The following PRORP variants were observed in gnomAD, a reference collection of about 807,000 sequenced individuals.
PRORP encodes mitochondrial ribonuclease P catalytic subunit.
PRORP carries 51 observed loss-of-function variants against 59.4 expected under a neutral mutation model. The ratio of observed to expected loss-of-function variants is 0.86; its 90% CI spans 0.69 to 1.08. The LOEUF (loss-of-function observed/expected upper bound fraction) is 1.08. Ranked by LOEUF, PRORP falls within the 50% of genes least tolerant of loss-of-function variation. The probability of loss-of-function intolerance (pLI) is 0.00; values close to 1 mark genes in which losing one functional copy is unlikely to be tolerated. For synonymous variants in PRORP, 231 were observed against 245.6 expected (o/e 0.94, Z 0.55); for missense variants, 646 against 690.3 (o/e 0.94, Z 0.72).
At chr14:35,198,242 T>C (rs1382430809) in intron 5 of PRORP, among the ~76,000 whole-genome samples, 4 of 152,212 alleles carry the variant, frequency 2.6e-5, no homozygotes, top group Non-Finnish European at 5.9e-5. Context: ...CAGAGAATGT[T>C]CCATTATTCC....
chr14:35,213,841 G>T (rs2049515999), intron 5 of PRORP, among the ~76,000 whole-genome samples: 1 of 152,208 alleles, frequency 6.6e-6, no homozygotes, highest in Non-Finnish European at 1.5e-5. Flanking sequence ...TAATAATAAT[G>T]AAAAATTGGA....
intron 5 of PRORP, among the ~76,000 whole-genome samples, chr14:35,260,038 G>T (rs528655932): frequency 2.7e-4 from 38 of 139,388 alleles, no homozygotes; most frequent in Admixed American, 1.4e-3. Context: ...TCCAGATAGG[G>T]TTTCACTCTG....
intron 5 of PRORP, among the ~76,000 whole-genome samples, chr14:35,195,267 T>C (rs2048980244): frequency 6.6e-6 from 1 of 152,094 alleles, no homozygotes. Flanking sequence ...TTTGCACAGG[T>C]ACATAAAGAT....
chr14:35,163,271 GA>G lies in PRORP; in HGVS notation c.1168-17391del, dbSNP rs201593966. Reference sequence around the variant, plus strand: ...TTTATGTAATAATACATTTATAAATGAAAAAAAATGTATACATAAAAAAATT... The same window carrying G: ...TTTATGTAATAATACATTTATAAATGAAAAAAATGTATACATAAAAAAATT... On this transcript the variant is annotated intron_variant, in intron 4 of 7. Transcript: ENST00000534898. Among the ~76,000 whole-genome samples the G allele has an allele frequency of 7.9e-4, 120 of 151,798 alleles. 1 individual carries two copies. The highest frequency in any genetic ancestry group is 4.2e-3 in the South Asian group (20 of 4,816).
At chr14:35,237,804 C>T (rs562497777) in intron 5 of PRORP, among the ~76,000 whole-genome samples, 92 of 151,624 alleles carry the variant, frequency 6.1e-4, no homozygotes, top group African/African-American at 2.1e-3. Flanking sequence ...AGGCGTATGC[C>T]ACCAAGCCCG....
At chr14:35,270,718 G>A (rs890666548) in intron 7 of PRORP, 122 bp downstream of exon 7, 228 of 935,058 alleles carry the variant, frequency 2.4e-4, no homozygotes, top group Non-Finnish European at 3.3e-4. Flanking sequence ...TCAGTTTTAG[G>A]TTAGTATTTG....
intron 5 of PRORP, among the ~76,000 whole-genome samples, chr14:35,225,980 G>GT (rs1433464963): frequency 3.3e-5 from 5 of 152,174 alleles, no homozygotes; most frequent in Non-Finnish European, 5.9e-5. Flanking sequence ...GTAACTCTAA[G>GT]TTTTCACTAG....
At chr14:35,273,028 G>T (rs185656114) in intron 7 of PRORP, among the ~76,000 whole-genome samples, 88 of 152,136 alleles carry the variant, frequency 5.8e-4, no homozygotes, top group Middle Eastern at 3.4e-3. Flanking sequence ...ACAGTTTTTT[G>T]TTGTTGTTGT....
At chr14:35,192,876 C>T (rs2139092517) in intron 5 of PRORP, among the ~76,000 whole-genome samples, 1 of 152,080 alleles carries the variant, frequency 6.6e-6, no homozygotes, top group East Asian at 1.9e-4. Flanking sequence ...TGCCTGTAAT[C>T]CCAGCTACTA....
intron 5 of PRORP, among the ~76,000 whole-genome samples, chr14:35,213,402 G>A (rs990224722): frequency 6.6e-6 from 1 of 152,022 alleles, no homozygotes; most frequent in Non-Finnish European, 1.5e-5. Context: ...CTGCACTCCA[G>A]TCTGCAGAGT....
At chr14:35,237,212 C>T (rs1260741566) in intron 5 of PRORP, among the ~76,000 whole-genome samples, 1 of 151,986 alleles carries the variant, frequency 6.6e-6, no homozygotes, top group Non-Finnish European at 1.5e-5. Context: ...CCTGCCTCTG[C>T]ATCCTGAGTA....
intron 4 of PRORP, among the ~76,000 whole-genome samples, chr14:35,179,793 G>C (rs2048553194): frequency 6.6e-6 from 1 of 152,206 alleles, no homozygotes; most frequent in Admixed American, 6.5e-5. Context: ...GCGTTCCTTT[G>C]GAGGGGGAGA....
At chr14:35,250,075 C>G (rs2050577572) in intron 5 of PRORP, among the ~76,000 whole-genome samples, 1 of 151,974 alleles carries the variant, frequency 6.6e-6, no homozygotes, top group Non-Finnish European at 1.5e-5. Context: ...TGGCGAAACC[C>G]TGTCTCTATA....
In PRORP at chr14:35,123,633, G is replaced by T; in HGVS notation, c.388G>T (p.Asp130Tyr). 6.2e-7 allele frequency: 1 copy of T among 1,614,140 alleles called. No homozygotes were observed. The highest frequency in any genetic ancestry group is 1.1e-5 in the South Asian group (1 of 91,086). ...NSEEWDKLKE[D>Y]LKENTGKTSF... Reference sequence around the variant, plus strand: ...AGAGGAGTGGGATAAACTTAAGGAAGATTTAAAAGAAAACACCGGAAAGAC... The same window carrying T: ...AGAGGAGTGGGATAAACTTAAGGAATATTTAAAAGAAAACACCGGAAAGAC... Residue 130 changes from aspartate to tyrosine, a missense_variant, in exon 2 of 8, where the codon GAT becomes TAT. Coordinates refer to ENST00000534898, the MANE Select transcript of PRORP (RefSeq NM_014672.4).
rs781248577 is a variant in PRORP, at chr14:35,126,734, G to C, written c.987-1G>C. ...GATTTGGTTTTGCAATCTTTTCATA[G>C]TGTTCCTGGAAAACAATGGAAAGGA... On this transcript the variant is annotated splice_acceptor_variant, in intron 2 of 7. Coordinates refer to ENST00000534898, the MANE Select transcript of PRORP (RefSeq NM_014672.4). LOFTEE classifies it high-confidence loss of function. The C allele has an allele frequency of 6.2e-7, 1 of 1,607,864 alleles. No individual in the cohort carries two copies. Among genetic ancestry groups the C allele is most frequent in the Non-Finnish European group, 8.5e-7 (1 of 1,176,144 alleles).
chr14:35,173,448 C>T (rs1234688623), intron 4 of PRORP, among the ~76,000 whole-genome samples: 5 of 152,230 alleles, frequency 3.3e-5, no homozygotes, highest in African/African-American at 9.6e-5. Context: ...TGCTTTTTTG[C>T]TGGGCTTCTT....
intron 5 of PRORP, among the ~76,000 whole-genome samples, chr14:35,249,522 G>A (rs1411138777): frequency 1.3e-5 from 2 of 152,164 alleles, no homozygotes; most frequent in Non-Finnish European, 1.5e-5. Flanking sequence ...CTGGGAGAGT[G>A]AGACCACAAT....
chr14:35,172,749 G>A (rs372214753), intron 4 of PRORP, among the ~76,000 whole-genome samples: 1 of 151,690 alleles, frequency 6.6e-6, no homozygotes, highest in Admixed American at 6.6e-5. Flanking sequence ...TTTATTTTTA[G>A]TAGAGACAAG....
chr14:35,169,577 C>G (rs1304546445), intron 4 of PRORP, among the ~76,000 whole-genome samples: 1 of 152,074 alleles, frequency 6.6e-6, no homozygotes, highest in Non-Finnish European at 1.5e-5. Context: ...TGTGAGAGCA[C>G]AGGAAAAACT....
Sources: gnomAD v4.1 joint callset for allele counts (sites outside exome capture counted in the v4.1 genomes callset) on GRCh38, gnomAD v4.1.1 for gene constraint, MANE v1.5 for transcripts, NCBI Gene and HGNC (gene_info 2026-07-23, HGNC 2026-07-21) for gene names.